Variants in DEPTOR observed in about 807,000 individuals in gnomAD.
The protein encoded by DEPTOR is DEP domain-containing mTOR-interacting protein.
DEPTOR carries 41 observed loss-of-function variants against 41.6 expected under a neutral mutation model. The ratio of observed to expected loss-of-function variants is 0.98; its 90% confidence interval spans 0.77 to 1.28. DEPTOR has a LOEUF of 1.28. Ranked by LOEUF, DEPTOR falls within the 50% of genes most tolerant of loss-of-function variation. The probability of loss-of-function intolerance (pLI) is 0.00; values close to 1 mark genes in which losing one functional copy is unlikely to be tolerated. For missense variants in DEPTOR, 514 were observed against 527.9 expected, an observed-to-expected ratio of 0.97 and a Z score of 0.26; for synonymous variants, 195 against 192.3, an observed-to-expected ratio of 1.01 and a Z score of -0.12.
chr8:119,879,350 G>A lies in DEPTOR; in HGVS notation c.122+5382G>A, dbSNP rs1827268260. ...ATTCTGCTTTTAGGTATATACCCAG[G>A]AGAAATGAGAAAACATGTCTACATA... On this transcript the variant is annotated intron_variant, in intron 1 of 8. Coordinates refer to ENST00000286234, the MANE Select transcript of DEPTOR (RefSeq NM_022783.4). 2.0e-5 allele frequency among the ~76,000 whole-genome samples: 3 copies of A among 152,282 alleles called. No homozygotes were observed. The South Asian group carries it at 6.2e-4, about 32-fold the overall frequency.
intron 4 of DEPTOR, among the ~76,000 whole-genome samples, chr8:119,977,784 AG>A (rs2130008684): frequency 6.6e-6 from 1 of 152,314 alleles, no homozygotes; most frequent in South Asian, 2.1e-4. Flanking sequence ...ATATTTTGAA[AG>A]AAGAGTGTTA....
At chr8:120,024,353 T>C (rs1045416039) in intron 8 of DEPTOR, among the ~76,000 whole-genome samples, 1 of 152,192 alleles carries the variant, frequency 6.6e-6, no homozygotes, top group Non-Finnish European at 1.5e-5. Context: ...TGTGAGGGAA[T>C]CTGGGAAATG....
rs748095816 is a variant in DEPTOR at position 119,873,924 on chromosome 8, G to A, written c.78G>A (p.Glu26=). ...GGAGTGGCGGGGCGCAGCAAAGGGA[G>A]CTGGAGCGCATGGCTGAGGTCTTGG... ...TSGSGGAQQR[E]LERMAEVLVT... The change falls in exon 1 of 9, where the codon GAG becomes GAA. Residue 26 remains glutamate (E), a synonymous_variant. Transcript: ENST00000286234. 6.2e-7 allele frequency: 1 copy of A among 1,613,822 alleles called. No individual in the cohort carries two copies. Among genetic ancestry groups the A allele is most frequent in the Non-Finnish European group, 8.5e-7 (1 of 1,179,888 alleles).
chr8:119,941,968 G>T (rs1828209827), intron 3 of DEPTOR, among the ~76,000 whole-genome samples: 1 of 152,180 alleles, frequency 6.6e-6, no homozygotes, highest in Admixed American at 6.5e-5. Flanking sequence ...GGGAAAAAGT[G>T]TCTGTCACTT....
chr8:119,942,403 G>A (rs887214256), intron 3 of DEPTOR, among the ~76,000 whole-genome samples: 3 of 152,066 alleles, frequency 2.0e-5, no homozygotes. Context: ...ACGGGGTTTC[G>A]CAGTGTTGTC....
Position 119,928,557 on chromosome 8 carries a change from G to C in DEPTOR, c.280G>C (p.Asp94His). The C allele has an allele frequency of 6.2e-7, 1 of 1,614,132 alleles. No homozygotes were observed. The highest frequency in any genetic ancestry group is 1.1e-5 in the South Asian group (1 of 91,066). ...AATTAAACTCATGCAGAAATTAGCA[G>C]ACCGGGGCATTATTCACCATGGTGA... Reference protein sequence around the residue: ...TAIKLMQKLADRGIIHHVCDE... With the variant: ...TAIKLMQKLAHRGIIHHVCDE... Residue 94 changes from aspartate to histidine, a missense_variant, in exon 2 of 9, where the codon GAC becomes CAC. Transcript: ENST00000286234.
intron 3 of DEPTOR, among the ~76,000 whole-genome samples, chr8:119,964,844 C>T (rs954392290): frequency 5.9e-5 from 9 of 152,052 alleles, no homozygotes; most frequent in South Asian, 4.2e-4. Flanking sequence ...GAGGCCGAGA[C>T]GGGTGGATCA....
At chr8:119,887,358 T>C (rs1827381321) in intron 1 of DEPTOR, among the ~76,000 whole-genome samples, 1 of 111,656 alleles carries the variant, frequency 9.0e-6, no homozygotes, top group South Asian at 3.7e-4. Flanking sequence ...ATCCTAGGTT[T>C]ATGGTCTTAA....
intron 3 of DEPTOR, among the ~76,000 whole-genome samples, chr8:119,960,746 G>A (rs1828479362): frequency 6.6e-6 from 1 of 152,180 alleles, no homozygotes; most frequent in South Asian, 2.1e-4. Context: ...CACGTTGGAA[G>A]GCTGAGGCTG....
intron 8 of DEPTOR, among the ~76,000 whole-genome samples, chr8:120,024,435 C>G (rs967415329): frequency 1.3e-5 from 2 of 151,994 alleles, no homozygotes; most frequent in Admixed American, 1.3e-4. Flanking sequence ...GTCCTAACCC[C>G]GAGTACCTCA....
rs927400441 is a variant in DEPTOR, at chr8:119,918,943, G to A, written c.123-9457G>A. Among the ~76,000 whole-genome samples the A allele has an allele frequency of 6.6e-5, 9 of 136,584 alleles. No homozygotes were observed. The East Asian group carries it at 1.6e-3, about 24-fold the overall frequency. 89.6% of individuals were successfully genotyped at this position (136,584 alleles called of 152,430 possible). On this transcript the variant is annotated intron_variant, in intron 1 of 8. Transcript: ENST00000286234. ...CTGCAGCTATTTGCATAGTGAGTGT[G>A]TGTGTGTGTGTGTGTGTGTGTGTAT...
chr8:119,983,682 C>A (rs1487518205), intron 4 of DEPTOR, among the ~76,000 whole-genome samples: 5 of 152,124 alleles, frequency 3.3e-5, no homozygotes, highest in Non-Finnish European at 7.3e-5. Context: ...CCGTGCCTGG[C>A]CTTCTTTGCA....
chr8:120,024,921 C>T (rs1483862081), intron 8 of DEPTOR, among the ~76,000 whole-genome samples: 2 of 152,102 alleles, frequency 1.3e-5, no homozygotes, highest in Non-Finnish European at 2.9e-5. Flanking sequence ...GCATTGGATA[C>T]AGGGGAGAAA....
chr8:120,034,264 TACACACACACAC>T lies in DEPTOR; in HGVS notation c.1102-15288_1102-15277del, dbSNP rs71571645. Among the ~76,000 whole-genome samples the T allele has an allele frequency of 5.0e-3, 723 of 145,230 alleles. 4 individuals are homozygous for T. Among genetic ancestry groups the T allele is most frequent in the Non-Finnish European group, 8.4e-3 (556 of 66,404 alleles). On this transcript the variant is annotated intron_variant, in intron 8 of 8. Transcript: ENST00000286234. Reference sequence around the variant, plus strand: ...TAACTGTGTGTCTCTGCAAAGCATGTACACACACACACACACACACACACACACACACACATT... The same window carrying T: ...TAACTGTGTGTCTCTGCAAAGCATGTACACACACACACACACACACACATT...
chr8:119,962,271 A>C (rs981960876), intron 3 of DEPTOR, among the ~76,000 whole-genome samples: 1 of 151,982 alleles, frequency 6.6e-6, no homozygotes, highest in African/African-American at 2.4e-5. Context: ...AAAACAAAAC[A>C]AAAACAAAAA....
At chr8:119,877,410 T>C (rs765624283) in intron 1 of DEPTOR, among the ~76,000 whole-genome samples, 5 of 152,166 alleles carry the variant, frequency 3.3e-5, no homozygotes, top group Non-Finnish European at 7.3e-5. Flanking sequence ...TTCCTAGTTA[T>C]TGGAGGGTTG....
Position 119,996,540 on chromosome 8 carries a change from C to T in DEPTOR, c.605-4985C>T, listed in dbSNP as rs1399808753. ...TTTGATCTTAGATAGTATGTTTGCC[C>T]TGTTGGTTATAGGTGGTATAGAGGT... On this transcript the variant is annotated intron_variant, in intron 4 of 8. Coordinates refer to ENST00000286234, the MANE Select transcript of DEPTOR (RefSeq NM_022783.4). 4.6e-5 allele frequency among the ~76,000 whole-genome samples: 7 copies of T among 152,046 alleles called. No homozygotes were observed. In the East Asian group the frequency reaches 1.2e-3, roughly 25 times the overall value.
At chr8:119,983,726 TA>T (rs1358459387) in intron 4 of DEPTOR, among the ~76,000 whole-genome samples, 28 of 151,726 alleles carry the variant, frequency 1.8e-4, no homozygotes, top group Non-Finnish European at 2.9e-5. Context: ...TTCTAAAATG[TA>T]AAGTTTATTT....
intron 8 of DEPTOR, among the ~76,000 whole-genome samples, chr8:120,042,895 G>A (rs1197693758): frequency 4.0e-5 from 6 of 151,280 alleles, no homozygotes; most frequent in African/African-American, 1.5e-4. Flanking sequence ...TGTTGCTCAG[G>A]CTGGAGTGCA....
Sources: gnomAD v4.1 joint callset for allele counts (sites outside exome capture counted in the v4.1 genomes callset) on GRCh38, gnomAD v4.1.1 for gene constraint, MANE v1.5 for transcripts, NCBI Gene and HGNC (gene_info 2026-07-23, HGNC 2026-07-21) for gene names.